MAD1L1: variants seen among roughly 807,000 people sequenced by gnomAD.
MAD1L1 encodes mitotic spindle assembly checkpoint protein MAD1.
A neutral mutation model predicts 96.9 loss-of-function variants in MAD1L1; 95 were observed. The ratio of observed to expected loss-of-function variants is 0.98; its 90% CI spans 0.83 to 1.16. MAD1L1 has a LOEUF of 1.16. Among genes scored for constraint, MAD1L1 ranks in the 50% most tolerant of loss-of-function variants. The probability of loss-of-function intolerance (pLI) is 0.00; values close to 1 mark genes in which losing one functional copy is unlikely to be tolerated. For synonymous variants in MAD1L1, 473 were observed against 396.6 expected, an observed-to-expected ratio of 1.19 and a Z score of -2.29; for missense variants, 1,007 against 954.4, an observed-to-expected ratio of 1.06 and a Z score of -0.73.
At chr7:1,887,864 T>TGTGTGTGTGGCTGCCTGGGC (rs752753027) in intron 18 of MAD1L1, among the ~76,000 whole-genome samples, 10 of 25,996 alleles carry the variant, frequency 3.8e-4, no homozygotes, top group East Asian at 3.2e-3. Flanking sequence ...TGTGTGCACG[T>TGTGTGTGTGGCTGCCTGGGC]GTGTGTGCAA....
At chr7:1,990,720 C>T (rs916352031) in intron 14 of MAD1L1, among the ~76,000 whole-genome samples, 3 of 152,256 alleles carry the variant, frequency 2.0e-5, no homozygotes, top group Admixed American at 6.5e-5. Context: ...GCTGGCCTCA[C>T]GAGCACCGCT....
intron 11 of MAD1L1, among the ~76,000 whole-genome samples, chr7:2,139,185 C>T (rs1161456330): frequency 6.6e-6 from 1 of 152,118 alleles, no homozygotes; most frequent in East Asian, 1.9e-4. Context: ...GGAAGCACCC[C>T]ACACCATGTC....
intron 17 of MAD1L1, among the ~76,000 whole-genome samples, chr7:1,931,201 G>A (rs1436019266): frequency 3.4e-5 from 5 of 147,036 alleles, no homozygotes; most frequent in South Asian, 2.2e-4. Context: ...TGGGGTCCAC[G>A]TCAAGGGTCT....
intron 11 of MAD1L1, among the ~76,000 whole-genome samples, chr7:2,086,762 C>T (rs749805479): frequency 5.9e-5 from 9 of 152,138 alleles, no homozygotes; most frequent in Admixed American, 2.6e-4. Context: ...ACTGTGTTGG[C>T]CAGGCTGGTC....
At chr7:1,898,108 G>A (rs762969167) in intron 18 of MAD1L1, 92 bp downstream of exon 18, 2 of 1,355,742 alleles carry the variant, frequency 1.5e-6, no homozygotes, top group Admixed American at 3.9e-5. Context: ...TTGGACGCGA[G>A]GCTGCTCCTT....
Position 1,922,530 on chromosome 7 carries a change from T to C in MAD1L1, c.1807+14157A>G, listed in dbSNP as rs372983269. Reference sequence around the variant, plus strand: ...AAGAGCCACACACAGAAATCCCGGGTGAACTCGCTCGACTCGTTTTTATCT... The same window carrying C: ...AAGAGCCACACACAGAAATCCCGGGCGAACTCGCTCGACTCGTTTTTATCT... On this transcript the variant is annotated intron_variant, in intron 17 of 18. Transcript: ENST00000265854. Among the ~76,000 whole-genome samples the C allele has an allele frequency of 1.1e-4, 16 of 152,318 alleles. No homozygotes were observed. In the East Asian group the frequency reaches 3.1e-3, roughly 29 times the overall value.
intron 17 of MAD1L1, among the ~76,000 whole-genome samples, chr7:1,916,552 C>T (rs1788409078): frequency 6.6e-6 from 1 of 152,322 alleles, no homozygotes. Context: ...GGGACACACG[C>T]CCAGCAGACA....
intron 16 of MAD1L1, among the ~76,000 whole-genome samples, chr7:1,940,964 G>GCAGGTCTCACCCTCCTCTTCCTCTCC (rs1778941713): frequency 1.6e-5 from 1 of 64,326 alleles, no homozygotes; most frequent in African/African-American, 6.0e-5. Context: ...TCCTCCCCCC[G>GCAGGTCTCACCCTCCTCTTCCTCTCC]CAGGCCTCAC....
At chr7:2,008,866 C>T (rs1782158806) in intron 13 of MAD1L1, among the ~76,000 whole-genome samples, 1 of 152,214 alleles carries the variant, frequency 6.6e-6, no homozygotes, top group Non-Finnish European at 1.5e-5. Flanking sequence ...CCCAAACGAC[C>T]TGACGCAGTG....
chr7:1,887,329 G>A (rs1030277798), intron 18 of MAD1L1, among the ~76,000 whole-genome samples: 2 of 151,650 alleles, frequency 1.3e-5, no homozygotes, highest in African/African-American at 4.8e-5. Context: ...ATGCGCATGC[G>A]TGGCTGCCTG....
At chr7:1,974,565 T>C (rs1780547288) in intron 15 of MAD1L1, among the ~76,000 whole-genome samples, 1 of 151,592 alleles carries the variant, frequency 6.6e-6, no homozygotes, top group South Asian at 2.1e-4. Context: ...ACAAATAAAA[T>C]AAGAACAGGT....
intron 18 of MAD1L1, chr7:1,847,427 G>C: frequency 2.1e-6 from 1 of 470,770 alleles, no homozygotes; most frequent in Non-Finnish European, 4.4e-6. Context: ...TCTACCAGGA[G>C]ACAGTGGAGA....
rs543190106 is a variant in MAD1L1, at chr7:2,146,317, G to C, written c.1073+2835C>G. On this transcript the variant is annotated intron_variant, in intron 11 of 18. Transcript: ENST00000265854. The surrounding 1 kb of genome is among the most constrained non-coding windows in gnomAD (Gnocchi z 6.2). ...GAGGGAGCACCGGGCACTGGGCTAC[G>C]AGGAACAGGGCACCGCCTCGAAGAG... Among the ~76,000 whole-genome samples, 4 of 151,450 alleles carry C rather than the reference G, an allele frequency of 2.6e-5. No homozygotes were observed. In the South Asian group the frequency reaches 8.4e-4, roughly 32 times the overall value.
intron 12 of MAD1L1, among the ~76,000 whole-genome samples, chr7:2,043,173 A>T (rs1783768865): frequency 6.6e-6 from 1 of 152,220 alleles, no homozygotes; most frequent in African/African-American, 2.4e-5. Context: ...AGCCACGAAG[A>T]CACTTCAGGA....
At position 1,980,505 on chromosome 7, in the gene MAD1L1, T is replaced by A. The variant is rs571741927; in HGVS notation, c.1453A>T (p.Ser485Cys). The A allele has an allele frequency of 1.2e-6, 2 of 1,603,052 alleles. No individual in the cohort carries two copies. Among genetic ancestry groups the A allele is most frequent in the Non-Finnish European group, 1.7e-6 (2 of 1,178,486 alleles). The change falls in exon 15 of 19, where the codon AGC becomes TGC. Residue 485 changes from serine (S) to cysteine (C), a missense_variant. Physicochemically the swap from Ser to Cys is moderately radical, Grantham distance 112 (BLOSUM62 -1). Coordinates refer to ENST00000265854, the MANE Select transcript of MAD1L1 (RefSeq NM_001013836.2). ...MELKMLKSQS[S>C]SAEQSFLFSR... Reference sequence around the variant, plus strand: ...AACAGGAAGCTCTGTTCGGCAGAGCTGGACTGAGACTTCAGCATCTTCAGC... The same window carrying A: ...AACAGGAAGCTCTGTTCGGCAGAGCAGGACTGAGACTTCAGCATCTTCAGC...
Position 2,210,436 on chromosome 7 carries a change from G to A in MAD1L1, c.986+2776C>T, listed in dbSNP as rs1023148605. Among the ~76,000 whole-genome samples, 24 of 139,562 alleles carry A rather than the reference G, an allele frequency of 1.7e-4. 1 individual carries two copies. Among genetic ancestry groups the A allele is most frequent in the African/African-American group, 6.1e-4 (24 of 39,436 alleles). 91.6% of individuals were successfully genotyped at this position (139,562 alleles called of 152,430 possible). The stretch of plus-strand genomic sequence containing the variant: ...GAGCCGTATTCGGGACCGCCAGCCC[G>A]CATTCCCGTGGACTCTCTAGGAGCC... On this transcript the variant is annotated intron_variant, in intron 10 of 18. Transcript: ENST00000265854.
intron 11 of MAD1L1, among the ~76,000 whole-genome samples, chr7:2,123,610 C>T (rs1017663554): frequency 7.2e-5 from 11 of 152,150 alleles, no homozygotes; most frequent in African/African-American, 2.7e-4. Flanking sequence ...GCATGGGAGG[C>T]GTCAATCCGC....
intron 11 of MAD1L1, among the ~76,000 whole-genome samples, chr7:2,121,377 C>T (rs1348555500): frequency 1.3e-5 from 2 of 152,222 alleles, no homozygotes; most frequent in Admixed American, 1.3e-4. Flanking sequence ...AGGGAGGCTG[C>T]GGATACGCCA....
Position 1,936,786 on chromosome 7 carries a change from G to T in MAD1L1, c.1708C>A (p.Arg570=), listed in dbSNP as rs376905987. The part of the protein sequence containing the change: ...DHSQLQAECE[R]LRGLLRAMER... The stretch of plus-strand genomic sequence containing the variant: ...ATGGCGCGCAGGAGCCCGCGCAGTC[G>T]CTCGCACTCCGCCTGCAGCTGGCTG... The change falls in exon 17 of 19, where the codon CGA becomes AGA. Residue 570 remains arginine, a synonymous_variant. Transcript: ENST00000265854. 5.1e-6 allele frequency: 8 copies of T among 1,581,968 alleles called. No homozygotes were observed. Among genetic ancestry groups the T allele is most frequent in the Non-Finnish European group, 6.9e-6 (8 of 1,165,212 alleles).
Sources: gnomAD v4.1 joint callset for allele counts (sites outside exome capture counted in the v4.1 genomes callset) on GRCh38, gnomAD v4.1.1 for gene constraint, Gnocchi (gnomAD v3.1) non-coding constraint, MANE v1.5 for transcripts, NCBI Gene and HGNC (gene_info 2026-07-23, HGNC 2026-07-21) for gene names.